The following RALYL variants were observed in gnomAD, a reference collection of about 807,000 sequenced individuals.
The protein encoded by RALYL is RNA-binding Raly-like protein.
A neutral mutation model predicts 35.1 loss-of-function variants in RALYL; 29 were observed. That is an observed-to-expected ratio of 0.83 (90% CI 0.61 to 1.13). RALYL has a LOEUF of 1.13. Among genes scored for constraint, RALYL ranks in the 50% most tolerant of loss-of-function variants. The pLI is 0.00. For missense variants in RALYL, 359 were observed against 360.4 expected (o/e 1.00, Z 0.03); for synonymous variants, 120 against 127.6 (o/e 0.94, Z 0.40).
intron 1 of RALYL, among the ~76,000 whole-genome samples, chr8:84,336,198 T>A (rs746420948): frequency 6.6e-6 from 1 of 152,178 alleles, no homozygotes; most frequent in Non-Finnish European, 1.5e-5. Context: ...TCTGAGCAAC[T>A]GATTTTTTTT....
intron 1 of RALYL, among the ~76,000 whole-genome samples, chr8:84,513,500 A>G (rs2134459243): frequency 6.6e-6 from 1 of 152,266 alleles, no homozygotes; most frequent in South Asian, 2.1e-4. Context: ...TCTGGTAAGC[A>G]CATTCAATTA....
intron 1 of RALYL, among the ~76,000 whole-genome samples, chr8:84,414,974 G>C (rs943794548): frequency 1.3e-5 from 2 of 152,000 alleles, no homozygotes; most frequent in African/African-American, 4.8e-5. Context: ...ATCCAAGTTC[G>C]GGGTGGGTCC....
chr8:84,689,797 A>G (rs915644561), intron 2 of RALYL, among the ~76,000 whole-genome samples: 1 of 152,060 alleles, frequency 6.6e-6, no homozygotes, highest in African/African-American at 2.4e-5. Context: ...ATATCTCATT[A>G]TGGTTTTGAT....
chr8:84,790,788 G>A (rs1432120446), intron 3 of RALYL, among the ~76,000 whole-genome samples: 15 of 152,166 alleles, frequency 9.9e-5, no homozygotes, highest in Non-Finnish European at 5.9e-5. Flanking sequence ...GAAAATAGAA[G>A]TGAGATCCAG....
chr8:84,815,956 C>T (rs1827170185), intron 4 of RALYL, among the ~76,000 whole-genome samples: 1 of 147,006 alleles, frequency 6.8e-6, no homozygotes, highest in Non-Finnish European at 1.5e-5. Context: ...ATCATCTGAA[C>T]CGGGGAGTCA....
chr8:84,610,070 G>A (rs1817967100), intron 2 of RALYL, among the ~76,000 whole-genome samples: 1 of 152,052 alleles, frequency 6.6e-6, no homozygotes, highest in African/African-American at 2.4e-5. Flanking sequence ...TGGGAATTAT[G>A]GGAGCTACAA....
intron 2 of RALYL, among the ~76,000 whole-genome samples, chr8:84,673,508 T>G (rs922541904): frequency 2.6e-5 from 4 of 152,210 alleles, no homozygotes; most frequent in Non-Finnish European, 5.9e-5. Flanking sequence ...GTTTGGGTTT[T>G]ACATTTACAT....
At chr8:84,913,659 G>A (rs745793949) in intron 8 of RALYL, among the ~76,000 whole-genome samples, 12 of 151,806 alleles carry the variant, frequency 7.9e-5, no homozygotes, top group Admixed American at 3.3e-4. Flanking sequence ...TTATAATTCT[G>A]GAAATTCTTT....
At chr8:84,866,959 C>T (rs527383483) in intron 6 of RALYL, among the ~76,000 whole-genome samples, 2 of 152,170 alleles carry the variant, frequency 1.3e-5, no homozygotes, top group South Asian at 4.1e-4. Context: ...CATTAGTTGG[C>T]GAGGGCTGCC....
chr8:84,207,284 A>G (rs1365372374), intron 1 of RALYL, among the ~76,000 whole-genome samples: 1 of 152,056 alleles, frequency 6.6e-6, no homozygotes, highest in Non-Finnish European at 1.5e-5. Context: ...ATGGATGAAT[A>G]AAGAAAATGT....
At chr8:84,575,415 G>A (rs1161848322) in intron 2 of RALYL, among the ~76,000 whole-genome samples, 1 of 152,130 alleles carries the variant, frequency 6.6e-6, no homozygotes, top group Non-Finnish European at 1.5e-5. Flanking sequence ...TTTTGCTTTA[G>A]TTTGAGGATA....
At chr8:84,367,139 CT>C (rs577327966) in intron 1 of RALYL, among the ~76,000 whole-genome samples, 5,955 of 136,684 alleles carry the variant, frequency 0.044, 106 homozygotes, top group African/African-American at 0.074. Flanking sequence ...TTTCTTTTTT[CT>C]TTTTTTTTTT....
At chr8:84,762,058 G>T (rs1812840734) in intron 2 of RALYL, among the ~76,000 whole-genome samples, 2 of 152,066 alleles carry the variant, frequency 1.3e-5, no homozygotes, top group African/African-American at 4.8e-5. Flanking sequence ...GGGCAACAAA[G>T]CACCAGGCAT....
chr8:84,719,067 A>G (rs1236128851), intron 2 of RALYL, among the ~76,000 whole-genome samples: 2 of 152,090 alleles, frequency 1.3e-5, no homozygotes, highest in African/African-American at 4.8e-5. Flanking sequence ...ACATTTCTCT[A>G]AGCTGCTGGT....
chr8:84,529,555 A>T lies in RALYL; in HGVS notation c.234A>T (p.Arg78Ser). The change falls in exon 2 of 9, where the codon AGA (arginine) becomes AGT (serine). Residue 78 changes from arginine to serine, a missense_variant. By Grantham distance (110) the Arg-to-Ser change is moderately radical. Transcript: ENST00000521268. ...CTGCAGTGGCTGGAGAAAATGCCAG[A>T]GTCATCGCCGGCCAACCACTTGGTA... The part of the protein sequence containing the change: ...ARAAVAGENA[R>S]VIAGQPLDIN... The T allele has an allele frequency of 6.2e-7, 1 of 1,608,090 alleles. No individual in the cohort carries two copies. The highest frequency in any genetic ancestry group is 8.5e-7 in the Non-Finnish European group (1 of 1,174,846).
chr8:84,218,725 C>G (rs1372002387), intron 1 of RALYL, among the ~76,000 whole-genome samples: 3 of 152,042 alleles, frequency 2.0e-5, no homozygotes, highest in African/African-American at 4.8e-5. Flanking sequence ...AAGCTTACCT[C>G]AACAGTCAGT....
intron 1 of RALYL, among the ~76,000 whole-genome samples, chr8:84,314,570 TA>T (rs1212757320): frequency 6.6e-6 from 1 of 151,852 alleles, no homozygotes; most frequent in South Asian, 2.1e-4. Flanking sequence ...TGTAAACACA[TA>T]AAAAAATAGT....
At chr8:84,246,960 A>G (rs1829227891) in intron 1 of RALYL, among the ~76,000 whole-genome samples, 1 of 152,184 alleles carries the variant, frequency 6.6e-6, no homozygotes, top group Non-Finnish European at 1.5e-5. Flanking sequence ...GAGATTGGCT[A>G]TGTCCAGATC....
intron 1 of RALYL, among the ~76,000 whole-genome samples, chr8:84,453,598 T>C (rs995498789): frequency 2.6e-4 from 40 of 151,824 alleles, no homozygotes; most frequent in African/African-American, 9.7e-4. Context: ...AGAAATATAT[T>C]CAAAGTGCCA....
Sources: gnomAD v4.1 joint callset for allele counts (sites outside exome capture counted in the v4.1 genomes callset) on GRCh38, gnomAD v4.1.1 for gene constraint, MANE v1.5 for transcripts, NCBI Gene and HGNC (gene_info 2026-07-23, HGNC 2026-07-21) for gene names.